Variants in CTNNA2 observed in about 807,000 individuals in gnomAD.
The protein encoded by CTNNA2 is catenin alpha-2.
In CTNNA2, 42 loss-of-function variants were observed where a neutral mutation model predicts 101.0. The ratio of observed to expected loss-of-function variants is 0.42; its 90% CI spans 0.32 to 0.54. CTNNA2 has a LOEUF of 0.54. CTNNA2 is among the 20% of genes least tolerant of loss of function. The pLI is 0.14. For synonymous variants in CTNNA2, 450 were observed against 456.4 expected (o/e 0.99, Z 0.18); for missense variants, 871 against 1,223.1 (o/e 0.71, Z 4.29).
At chr2:79,954,306 A>G (rs1689077958) in intron 7 of CTNNA2, among the ~76,000 whole-genome samples, 1 of 152,182 alleles carries the variant, frequency 6.6e-6, no homozygotes, top group South Asian at 2.1e-4. Flanking sequence ...GAGACAAACC[A>G]TATCAAATAC....
intron 1 of CTNNA2, among the ~76,000 whole-genome samples, chr2:79,591,907 A>AT (rs1676875561): frequency 3.7e-5 from 3 of 82,016 alleles, no homozygotes; most frequent in African/African-American, 1.3e-4. Flanking sequence ...TTGAAAAAAA[A>AT]ATTTTTTTTT....
At chr2:79,483,490 T>A (rs1045044142) in intron 4 of CTNNA2, among the ~76,000 whole-genome samples, 13 of 152,176 alleles carry the variant, frequency 8.5e-5, no homozygotes, top group Admixed American at 5.9e-4. Flanking sequence ...CAGGATCTGA[T>A]TTTGAGCTCA....
intron 18 of CTNNA2, among the ~76,000 whole-genome samples, chr2:80,623,776 A>T (rs1671390582): frequency 6.6e-6 from 1 of 151,882 alleles, no homozygotes; most frequent in African/African-American, 2.4e-5. Flanking sequence ...CAGGTGATTC[A>T]TTTTCACACC....
At chr2:79,813,490 T>C (rs1458407067) in intron 3 of CTNNA2, among the ~76,000 whole-genome samples, 2 of 152,082 alleles carry the variant, frequency 1.3e-5, no homozygotes, top group African/African-American at 4.8e-5. Context: ...AGAGTTGAGG[T>C]TGAACAGATG....
At chr2:79,605,985 A>T (rs1482452059) in intron 1 of CTNNA2, among the ~76,000 whole-genome samples, 1 of 152,206 alleles carries the variant, frequency 6.6e-6, no homozygotes, top group Non-Finnish European at 1.5e-5. Context: ...TTACATTTTT[A>T]AAATGCTGAA....
chr2:80,394,956 G>A (rs1411907194), intron 8 of CTNNA2, among the ~76,000 whole-genome samples: 1 of 145,932 alleles, frequency 6.9e-6, no homozygotes, highest in East Asian at 1.9e-4. Context: ...TGATCCCTTG[G>A]TCTCAGTAGT....
intron 9 of CTNNA2, among the ~76,000 whole-genome samples, chr2:80,434,019 A>G (rs1423482485): frequency 6.6e-6 from 1 of 152,234 alleles, no homozygotes; most frequent in Non-Finnish European, 1.5e-5. Context: ...TTGCTCAAAT[A>G]CTGTTAATAA....
At chr2:79,455,602 CAT>C (rs1459860574) in intron 4 of CTNNA2, among the ~76,000 whole-genome samples, 2 of 152,182 alleles carry the variant, frequency 1.3e-5, no homozygotes, top group Admixed American at 6.5e-5. Flanking sequence ...CCTTTGCAAA[CAT>C]ATTTTTAAAT....
intron 7 of CTNNA2, among the ~76,000 whole-genome samples, chr2:80,031,473 A>G (rs571747804): frequency 6.6e-6 from 1 of 152,180 alleles, no homozygotes; most frequent in Non-Finnish European, 1.5e-5. Flanking sequence ...TGTGCAGGGA[A>G]ACTCACCCTT....
intron 1 of CTNNA2, among the ~76,000 whole-genome samples, chr2:79,607,094 T>G (rs545411720): frequency 3.3e-5 from 5 of 152,186 alleles, no homozygotes; most frequent in African/African-American, 1.2e-4. Context: ...AAAAAAGATA[T>G]ACCATGATAA....
At chr2:80,289,466 A>C (rs901973612) in intron 7 of CTNNA2, among the ~76,000 whole-genome samples, 20 of 152,184 alleles carry the variant, frequency 1.3e-4, no homozygotes, top group East Asian at 1.9e-4. Context: ...GAAACCTCTT[A>C]AATCCTCTTC....
At chr2:79,215,237 G>A (rs1481977971) in intron 2 of CTNNA2, among the ~76,000 whole-genome samples, 8 of 152,276 alleles carry the variant, frequency 5.3e-5, no homozygotes, top group Admixed American at 2.6e-4. Flanking sequence ...CTTGGGCTGT[G>A]GGCATTCCTT....
intron 7 of CTNNA2, among the ~76,000 whole-genome samples, chr2:80,092,814 T>C (rs1204389541): frequency 6.6e-6 from 1 of 152,044 alleles, no homozygotes; most frequent in Non-Finnish European, 1.5e-5. Flanking sequence ...AGAGGTTCCC[T>C]TGGATGGGAT....
intron 1 of CTNNA2, among the ~76,000 whole-genome samples, chr2:79,640,759 A>G (rs1254823885): frequency 6.6e-6 from 1 of 152,230 alleles, no homozygotes; most frequent in Non-Finnish European, 1.5e-5. Flanking sequence ...TTTAATCAAC[A>G]ACATTTAGGA....
chr2:79,678,539 AAAC>A (rs1358342190), intron 2 of CTNNA2, among the ~76,000 whole-genome samples: 6,909 of 141,660 alleles, frequency 0.049, 539 homozygotes, highest in African/African-American at 0.19. Context: ...TGTCTCAAAC[AAAC>A]AAAAAAAAAA....
At chr2:79,766,989 C>T (rs1271037411) in intron 3 of CTNNA2, among the ~76,000 whole-genome samples, 2 of 151,772 alleles carry the variant, frequency 1.3e-5, no homozygotes, top group East Asian at 2.0e-4. Flanking sequence ...CTCCTGACCT[C>T]GTGATCCGCC....
intron 7 of CTNNA2, among the ~76,000 whole-genome samples, chr2:80,135,042 C>A (rs574224295): frequency 6.6e-6 from 1 of 152,100 alleles, no homozygotes; most frequent in Admixed American, 6.5e-5. Context: ...GCATATTTTT[C>A]TCTTTTCATG....
At chr2:79,432,617 C>T (rs1678670042) in intron 4 of CTNNA2, among the ~76,000 whole-genome samples, 2 of 152,126 alleles carry the variant, frequency 1.3e-5, no homozygotes, top group Non-Finnish European at 2.9e-5. Flanking sequence ...AGTGAGATAC[C>T]ACAAGGGTAA....
chr2:80,615,543 A>T (rs1698784314), intron 17 of CTNNA2, among the ~76,000 whole-genome samples: 2 of 150,880 alleles, frequency 1.3e-5, no homozygotes. Flanking sequence ...GTCTATGTTT[A>T]TTTTTTTTCC....
Sources: allele counts gnomAD v4.1 joint callset (sites outside exome capture counted in the v4.1 genomes callset), GRCh38; gene constraint gnomAD v4.1.1; transcripts MANE v1.5; gene names NCBI Gene and HGNC (gene_info 2026-07-23, HGNC 2026-07-21).